Variants in PLAAT2 observed in about 807,000 individuals in gnomAD.
PLAAT2 encodes the protein HRAS like suppressor 2.
PLAAT2 carries 12 observed loss-of-function variants against 12.8 expected under a neutral mutation model. The ratio of observed to expected loss-of-function variants is 0.94; its 90% confidence interval spans 0.60 to 1.52. The LOEUF is 1.52. PLAAT2 is among the 40% of genes most tolerant of loss of function. The pLI, the probability that PLAAT2 is intolerant of heterozygous loss-of-function variation, is 0.00. For synonymous variants in PLAAT2, 79 were observed against 86.8 expected (o/e 0.91, Z 0.50); for missense variants, 166 against 208.1 (o/e 0.80, Z 1.24).
Position 63,558,434 on chromosome 11 carries a change from G to A in PLAAT2, c.345C>T (p.His115=). 1.9e-6 allele frequency: 3 copies of A among 1,614,224 alleles called. No homozygotes were observed. Among genetic ancestry groups the A allele is most frequent in the Non-Finnish European group, 2.5e-6 (3 of 1,180,044 alleles). ...PYSLTSDNCE[H]FVNHLRYGVS... Reference sequence around the variant, plus strand: ...CGCCATAGCGCAGATGGTTCACGAAGTGCTCGCAGTTGTCACTGGTCAGCG... The same window carrying A: ...CGCCATAGCGCAGATGGTTCACGAAATGCTCGCAGTTGTCACTGGTCAGCG... Residue 115 remains histidine, a synonymous_variant, in exon 3 of 4, where the codon CAC becomes CAT. Coordinates refer to ENST00000255695, the MANE Select transcript of PLAAT2 (RefSeq NM_017878.2).
chr11:63,560,268 GC>G, intron 1 of PLAAT2, 75 bp from the exon 2 acceptor site: 1 of 1,079,846 alleles, frequency 9.3e-7, no homozygotes, highest in Non-Finnish European at 1.4e-6. Context: ...CCTGCAAGGA[GC>G]CCCAGCTCAG....
chr11:63,554,793 A>G (rs1198054810), intron 3 of PLAAT2, among the ~76,000 whole-genome samples: 1 of 152,160 alleles, frequency 6.6e-6, no homozygotes, highest in South Asian at 2.1e-4. Flanking sequence ...TGGAGTATCA[A>G]TGAATTTGAA....
chr11:63,555,600 G>A (rs1335182335), intron 3 of PLAAT2, among the ~76,000 whole-genome samples: 1 of 152,226 alleles, frequency 6.6e-6, no homozygotes, highest in African/African-American at 2.4e-5. Context: ...GCTGAGGTGG[G>A]AGGATCCCCT....
chr11:63,560,170 T>C lies in PLAAT2; in HGVS notation c.33A>G (p.Gly11=). The part of the protein sequence containing the change: MALARPRPRL[G]DLIEISRFGY... The stretch of plus-strand genomic sequence containing the variant: ...CAAAGCGAGAAATCTCAATCAGGTC[T>C]CCAAGTCTCGGTCTTGGTCTGGCCT... The change falls in exon 2 of 4, where the codon GGA becomes GGG. Residue 11 remains glycine, a synonymous_variant. Transcript: ENST00000255695. 6.2e-7 allele frequency: 1 copy of C among 1,613,352 alleles called. No homozygotes were observed. The highest frequency in any genetic ancestry group is 1.7e-5 in the Admixed American group (1 of 59,958).
intron 3 of PLAAT2, among the ~76,000 whole-genome samples, chr11:63,556,145 T>C (rs1443205226): frequency 2.0e-5 from 3 of 152,154 alleles, no homozygotes; most frequent in Admixed American, 6.5e-5. Context: ...CAAGTCCACT[T>C]TCTTACAGAG....
At chr11:63,553,167 T>C (rs955451775) in intron 3 of PLAAT2, 102 bp from the exon 4 acceptor site, 5 of 691,058 alleles carry the variant, frequency 7.2e-6, no homozygotes, top group African/African-American at 3.6e-5. Flanking sequence ...GGCCCAGTCC[T>C]CTTCATTTGA....
At chr11:63,553,143 G>A in intron 3 of PLAAT2, 78 bp from the exon 4 acceptor site, 1 of 857,304 alleles carries the variant, frequency 1.2e-6, no homozygotes, top group Non-Finnish European at 1.9e-6. Flanking sequence ...CTACAGCTCA[G>A]GAAAGACTCA....
At chr11:63,563,525 T>C, upstream of PLAAT2, 1 of 574,572 alleles carries the variant, frequency 1.7e-6, no homozygotes, top group Admixed American at 3.0e-5. Flanking sequence ...GAGACCATCC[T>C]GACTAACACG....
chr11:63,559,679 A>G (rs1421870515), intron 2 of PLAAT2, among the ~76,000 whole-genome samples: 4 of 152,100 alleles, frequency 2.6e-5, no homozygotes, highest in South Asian at 2.1e-4. Flanking sequence ...AGGAGCCACA[A>G]TTCCAAACTG....
chr11:63,560,131 C>T lies in PLAAT2; in HGVS notation c.72G>A (p.Trp24Ter). The change falls in exon 2 of 4, where the codon TGG becomes TGA. Residue 24 changes from tryptophan (W) to a stop codon, truncating the protein, a stop_gained. Coordinates refer to ENST00000255695, the MANE Select transcript of PLAAT2 (RefSeq NM_017878.2). LOFTEE classifies it high-confidence loss of function. ...CATAGCCATCTCCCACGTAGATGGC[C>T]CAGTGTGCATAGCCAAAGCGAGAAA... ...IEISRFGYAH[W>*]AIYVGDGYVV... 1 of 1,613,744 alleles carries T rather than the reference C, an allele frequency of 6.2e-7. No homozygotes were observed. The highest frequency in any genetic ancestry group is 8.5e-7 in the Non-Finnish European group (1 of 1,179,792).
At position 63,558,664 on chromosome 11, in the gene PLAAT2, T is replaced by C; in HGVS notation, c.119-4A>G. On this transcript the variant is annotated splice_polypyrimidine_tract_variant and splice_region_variant and intron_variant, in intron 2 of 3. Coordinates refer to ENST00000255695, the MANE Select transcript of PLAAT2 (RefSeq NM_017878.2). Reference sequence around the variant, plus strand: ...GCACCAGCTCCAGCAATTTCACCTGTGCAAACAGTGAGTTCAGTCCTGGGC... The same window carrying C: ...GCACCAGCTCCAGCAATTTCACCTGCGCAAACAGTGAGTTCAGTCCTGGGC... 1 of 1,614,088 alleles carries C rather than the reference T, an allele frequency of 6.2e-7. No homozygotes were observed. Among genetic ancestry groups the C allele is most frequent in the Non-Finnish European group, 8.5e-7 (1 of 1,179,944 alleles).
intron 3 of PLAAT2, among the ~76,000 whole-genome samples, chr11:63,556,434 A>G (rs1470317202): frequency 2.0e-5 from 3 of 152,082 alleles, no homozygotes; most frequent in Non-Finnish European, 4.4e-5. Flanking sequence ...TGCACAGCCT[A>G]TAGAAGAGCT....
At chr11:63,556,810 A>G (rs2017470310) in intron 3 of PLAAT2, among the ~76,000 whole-genome samples, 1 of 152,228 alleles carries the variant, frequency 6.6e-6, no homozygotes, top group Non-Finnish European at 1.5e-5. Context: ...GGAGGATTCA[A>G]GAATGCATTG....
intron 1 of PLAAT2, 21 bp from the exon 2 acceptor site, chr11:63,560,214 AC>A (rs1565240770): frequency 6.3e-7 from 1 of 1,591,242 alleles, no homozygotes; most frequent in South Asian, 1.1e-5. Context: ...AAAACCAGAA[AC>A]AGGCAGAGGT....
chr11:63,558,402 C>G lies in PLAAT2; in HGVS notation c.377G>C (p.Arg126Pro). ...AGGCTGAAGATGCACCTGGTCACTG[C>G]GGGAGACGCCATAGCGCAGATGGTT... ...FVNHLRYGVS[R>P]SDQVTGAVTT... Residue 126 changes from arginine (R) to proline (P), a missense_variant, in exon 3 of 4, where the codon CGC becomes CCC. Arg to Pro is a moderately radical substitution (Grantham distance 103). Transcript: ENST00000255695. 1 of 1,613,978 alleles carries G rather than the reference C, an allele frequency of 6.2e-7. No homozygotes were observed. Among genetic ancestry groups the G allele is most frequent in the Non-Finnish European group, 8.5e-7 (1 of 1,179,926 alleles).
chr11:63,555,202 G>A (rs1455654425), intron 3 of PLAAT2, among the ~76,000 whole-genome samples: 1 of 152,178 alleles, frequency 6.6e-6, no homozygotes, highest in African/African-American at 2.4e-5. Context: ...TATTTCAAAG[G>A]ACTGGCTCTC....
chr11:63,555,045 T>TA (rs1375440974), intron 3 of PLAAT2, among the ~76,000 whole-genome samples: 4 of 152,282 alleles, frequency 2.6e-5, no homozygotes, highest in African/African-American at 9.6e-5. Context: ...CGAGGGCTCA[T>TA]AGAGTCAGGG....
intron 1 of PLAAT2, among the ~76,000 whole-genome samples, chr11:63,560,816 C>T (rs575550487): frequency 6.6e-5 from 10 of 152,312 alleles, no homozygotes; most frequent in African/African-American, 2.4e-4. Context: ...ACATTAATGC[C>T]TTTAACCATC....
At chr11:63,554,321 A>G (rs990142713) in intron 3 of PLAAT2, among the ~76,000 whole-genome samples, 4 of 152,056 alleles carry the variant, frequency 2.6e-5, no homozygotes, top group African/African-American at 4.8e-5. Flanking sequence ...AAGACTGAGG[A>G]TGGACAGTGT....
Sources: allele counts gnomAD v4.1 joint callset (sites outside exome capture counted in the v4.1 genomes callset), GRCh38; gene constraint gnomAD v4.1.1; transcripts MANE v1.5; gene names NCBI Gene and HGNC (gene_info 2026-07-23, HGNC 2026-07-21).